COL4A1: variants seen among roughly 807,000 people sequenced by gnomAD.
COL4A1 encodes the protein collagen alpha-1(IV) chain.
In COL4A1, 40 loss-of-function variants were observed where a neutral mutation model predicts 216.6. That is an observed-to-expected ratio of 0.18 (90% CI 0.14 to 0.24). The LOEUF is 0.24. Among genes scored for constraint, COL4A1 ranks in the 10% least tolerant of loss-of-function variants. COL4A1 has a pLI of 1.00. For synonymous variants in COL4A1, 839 were observed against 810.7 expected (o/e 1.03, Z -0.59); for missense variants, 1,628 against 2,196.8 (o/e 0.74, Z 5.18).
chr13:110,193,503 G>A (rs1878737407), intron 22 of COL4A1, among the ~76,000 whole-genome samples: 1 of 152,208 alleles, frequency 6.6e-6, no homozygotes, highest in African/African-American at 2.4e-5. Flanking sequence ...CAAGCTCAGA[G>A]ACCTTACATT....
chr13:110,295,373 T>C (rs147707629), intron 1 of COL4A1, among the ~76,000 whole-genome samples: 146 of 151,414 alleles, frequency 9.6e-4, no homozygotes, highest in African/African-American at 3.3e-3. Context: ...AGCTTTTGAA[T>C]GTCCCATTAA....
At chr13:110,282,230 G>T (rs1047007535) in intron 1 of COL4A1, among the ~76,000 whole-genome samples, 4 of 152,164 alleles carry the variant, frequency 2.6e-5, no homozygotes, top group Admixed American at 2.6e-4. Context: ...GAATACTAGT[G>T]GAGAAAAGTC....
intron 1 of COL4A1, among the ~76,000 whole-genome samples, chr13:110,262,202 C>T (rs1200976475): frequency 6.6e-6 from 1 of 152,178 alleles, no homozygotes; most frequent in Non-Finnish European, 1.5e-5. Flanking sequence ...GTGGGGGTCA[C>T]TGCCTGAGTC....
chr13:110,288,962 C>A (rs911212736), intron 1 of COL4A1, among the ~76,000 whole-genome samples: 1 of 152,158 alleles, frequency 6.6e-6, no homozygotes, highest in African/African-American at 2.4e-5. Context: ...AACTGGGACC[C>A]AGGAGGCGGA....
chr13:110,171,707 C>T (rs977101770), intron 41 of COL4A1, among the ~76,000 whole-genome samples: 12 of 152,186 alleles, frequency 7.9e-5, no homozygotes, highest in East Asian at 1.9e-4. Flanking sequence ...GAGTGGAAAA[C>T]GCAAGGTGCT....
chr13:110,213,758 A>T (rs1228569524), intron 4 of COL4A1, 24 bp downstream of exon 4: 1 of 1,613,320 alleles, frequency 6.2e-7, no homozygotes, highest in Non-Finnish European at 8.5e-7. Context: ...GGAATCATCG[A>T]TTGTGAGTAG....
intron 2 of COL4A1, among the ~76,000 whole-genome samples, chr13:110,229,855 G>A (rs188656175): frequency 2.2e-3 from 338 of 152,314 alleles, no homozygotes; most frequent in Non-Finnish European, 3.7e-3. Context: ...AAAGCCCTAT[G>A]CCTCTGCCCT....
At chr13:110,228,565 G>C (rs1441220093) in intron 2 of COL4A1, among the ~76,000 whole-genome samples, 1 of 152,176 alleles carries the variant, frequency 6.6e-6, no homozygotes, top group Admixed American at 6.5e-5. Flanking sequence ...ACACAGGGAA[G>C]ACACACATTT....
intron 2 of COL4A1, 146 bp downstream of exon 2, chr13:110,242,529 T>C (rs1881612446): frequency 1.2e-6 from 1 of 860,900 alleles, no homozygotes; most frequent in Non-Finnish European, 2.0e-6. Flanking sequence ...TCAAGCCTGG[T>C]TTGGCTTCAT....
Position 110,219,077 on chromosome 13 carries a change from G to A in COL4A1, c.145-5062C>T, listed in dbSNP as rs72654145. ...GCTGGGAAAGGGGTGGGAAAGCTGC[G>A]GTGGGTGCCGCGGGGTCATGGAAAA... On this transcript the variant is annotated intron_variant, in intron 2 of 51. Transcript: ENST00000375820. 5.9e-3 allele frequency among the ~76,000 whole-genome samples: 898 copies of A among 152,308 alleles called. 3 individuals carry two copies. The highest frequency in any genetic ancestry group is 0.01 in the Middle Eastern group (3 of 294).
chr13:110,272,029 C>A (rs1277635117), intron 1 of COL4A1, among the ~76,000 whole-genome samples: 1 of 152,166 alleles, frequency 6.6e-6, no homozygotes, highest in Non-Finnish European at 1.5e-5. Flanking sequence ...GGGGTAAGAT[C>A]AGGTAATATT....
At chr13:110,228,638 T>C (rs1880862219) in intron 2 of COL4A1, among the ~76,000 whole-genome samples, 1 of 152,220 alleles carries the variant, frequency 6.6e-6, no homozygotes, top group African/African-American at 2.4e-5. Flanking sequence ...CGGATGCTTA[T>C]ACCAACTCCC....
chr13:110,174,394 C>A, intron 39 of COL4A1, 52 bp downstream of exon 39: 1 of 1,602,342 alleles, frequency 6.2e-7, no homozygotes. Context: ...CTCCCATCCC[C>A]TGGCCACTGT....
chr13:110,304,050 A>G (rs1258135779), intron 1 of COL4A1, among the ~76,000 whole-genome samples: 1 of 152,246 alleles, frequency 6.6e-6, no homozygotes, highest in Non-Finnish European at 1.5e-5. Context: ...AATAATATAT[A>G]GCATTGATAA....
chr13:110,237,552 C>T (rs1881376568), intron 2 of COL4A1, among the ~76,000 whole-genome samples: 2 of 152,202 alleles, frequency 1.3e-5, no homozygotes, highest in African/African-American at 4.8e-5. Flanking sequence ...CTCAAACTGT[C>T]AATACCACCA....
At position 110,302,962 on chromosome 13, in the gene COL4A1, A is replaced by G. The variant is rs1449636338; in HGVS notation, c.84+3982T>C. On this transcript the variant is annotated intron_variant, in intron 1 of 51. Transcript: ENST00000375820. ...TTCAATTTGGGGAACAATTATTATA[A>G]CAAATATCATAGAATTCATCAAAAC... 2.6e-5 allele frequency among the ~76,000 whole-genome samples: 4 copies of G among 152,324 alleles called. 1 individual carries two copies. The South Asian group carries it at 8.3e-4, about 32-fold the overall frequency.
At chr13:110,291,695 T>G (rs1010987440) in intron 1 of COL4A1, among the ~76,000 whole-genome samples, 6 of 152,216 alleles carry the variant, frequency 3.9e-5, no homozygotes, top group Non-Finnish European at 7.3e-5. Flanking sequence ...ACACCTCTCC[T>G]GTGACCAGAC....
At chr13:110,264,917 C>CT (rs1404955682) in intron 1 of COL4A1, among the ~76,000 whole-genome samples, 7 of 152,220 alleles carry the variant, frequency 4.6e-5, no homozygotes, top group Non-Finnish European at 1.0e-4. Flanking sequence ...CTGGGACATG[C>CT]TTTTTACACT....
intron 1 of COL4A1, among the ~76,000 whole-genome samples, chr13:110,249,696 T>A (rs889925431): frequency 2.0e-5 from 3 of 152,222 alleles, no homozygotes; most frequent in African/African-American, 7.2e-5. Flanking sequence ...TGCACTGAGC[T>A]GTACCCTTCG....
Sources: gnomAD v4.1 joint callset for allele counts (sites outside exome capture counted in the v4.1 genomes callset) on GRCh38, gnomAD v4.1.1 for gene constraint, MANE v1.5 for transcripts, NCBI Gene and HGNC (gene_info 2026-07-23, HGNC 2026-07-21) for gene names.